The following IFT57 variants were observed in gnomAD, a reference collection of about 807,000 sequenced individuals.
IFT57 encodes the protein intraflagellar transport protein 57 homolog.
A neutral mutation model predicts 56.8 loss-of-function variants in IFT57; 59 were observed. The ratio of observed to expected loss-of-function variants is 1.04; its 90% CI spans 0.84 to 1.29. The LOEUF (loss-of-function observed/expected upper bound fraction) is 1.29, where lower values mean the gene tolerates loss of function less well. Ranked by LOEUF, IFT57 falls within the 50% of genes most tolerant of loss-of-function variation. The pLI is 0.00. For synonymous variants in IFT57, 209 were observed against 186.1 expected, an observed-to-expected ratio of 1.12 and a Z score of -1.00; for missense variants, 470 against 522.1, an observed-to-expected ratio of 0.90 and a Z score of 0.97.
At chr3:108,194,091 A>G (rs1433054616) in intron 5 of IFT57, among the ~76,000 whole-genome samples, 1 of 152,224 alleles carries the variant, frequency 6.6e-6, no homozygotes, top group Non-Finnish European at 1.5e-5. Context: ...CCCTCTCAGC[A>G]GCAGTTCTGA....
chr3:108,190,150 G>A (rs1333459503), intron 6 of IFT57, among the ~76,000 whole-genome samples: 1 of 152,172 alleles, frequency 6.6e-6, no homozygotes, highest in Non-Finnish European at 1.5e-5. Context: ...CAGGCTACTA[G>A]GTGGAAGGGA....
chr3:108,216,174 G>A (rs1440045071), intron 3 of IFT57, among the ~76,000 whole-genome samples: 1 of 152,106 alleles, frequency 6.6e-6, no homozygotes, highest in Admixed American at 6.6e-5. Flanking sequence ...AGAGTGAAGA[G>A]ACAACCCACA....
Position 108,162,470 on chromosome 3 carries a change from G to C in IFT57, c.*7C>G. 2 of 1,583,158 alleles carry C rather than the reference G, an allele frequency of 1.3e-6. No individual in the cohort carries two copies. Among genetic ancestry groups the C allele is most frequent in the Non-Finnish European group, 1.7e-6 (2 of 1,162,772 alleles). On this transcript the variant is annotated 3_prime_UTR_variant, in exon 11 of 11. Coordinates refer to ENST00000264538, the MANE Select transcript of IFT57 (RefSeq NM_018010.4). ...CAACTAATCAGAAACATGAAAACCA[G>C]TATGTTTTAATAAAAGCCTGTTGCT...
At chr3:108,219,652 CA>C (rs2080394463) in intron 1 of IFT57, 80 bp from the exon 2 acceptor site, 6 of 1,388,988 alleles carry the variant, frequency 4.3e-6, no homozygotes, top group Non-Finnish European at 6.0e-6. Flanking sequence ...GCCGAATTCA[CA>C]ATTGTCCAAC....
At chr3:108,171,255 T>C (rs552751415) in intron 6 of IFT57, among the ~76,000 whole-genome samples, 30 of 151,974 alleles carry the variant, frequency 2.0e-4, no homozygotes, top group African/African-American at 6.7e-4. Context: ...ATTTCACAGA[T>C]AAGCAAACAG....
intron 6 of IFT57, among the ~76,000 whole-genome samples, chr3:108,171,774 C>T (rs548945593): frequency 6.6e-5 from 10 of 151,656 alleles, no homozygotes; most frequent in African/African-American, 1.2e-4. Context: ...GAACCTAACA[C>T]GCATCATTAT....
chr3:108,213,189 T>C (rs1474834575), intron 4 of IFT57, among the ~76,000 whole-genome samples: 1 of 152,136 alleles, frequency 6.6e-6, no homozygotes, highest in Non-Finnish European at 1.5e-5. Context: ...CAGTAGGCTA[T>C]TAGTAAAGTT....
intron 6 of IFT57, among the ~76,000 whole-genome samples, chr3:108,182,758 C>A (rs62262379): frequency 0.096 from 14,659 of 151,988 alleles, 767 homozygotes; most frequent in Middle Eastern, 0.12. Context: ...ACTTCCAAGG[C>A]CTTTTAAAAA....
At chr3:108,170,174 A>G (rs2080085312) in intron 6 of IFT57, among the ~76,000 whole-genome samples, 1 of 152,042 alleles carries the variant, frequency 6.6e-6, no homozygotes, top group African/African-American at 2.4e-5. Flanking sequence ...GAAAGAAATA[A>G]AGGGTATTCA....
chr3:108,211,506 C>T (rs1376944721), intron 4 of IFT57, among the ~76,000 whole-genome samples: 1 of 152,218 alleles, frequency 6.6e-6, no homozygotes, highest in Admixed American at 6.5e-5. Flanking sequence ...CTCTAAGTTC[C>T]TTGATCATGC....
At chr3:108,210,450 C>G (rs2108325830) in intron 4 of IFT57, among the ~76,000 whole-genome samples, 1 of 151,386 alleles carries the variant, frequency 6.6e-6, no homozygotes, top group South Asian at 2.1e-4. Flanking sequence ...TCTCTTGCCT[C>G]AGTCTCCCGA....
In IFT57 at chr3:108,210,428, G is replaced by T. The variant is rs1275383767; in HGVS notation, c.585+3503C>A. Among the ~76,000 whole-genome samples the T allele has an allele frequency of 2.0e-5, 3 of 148,372 alleles. No individual in the cohort carries two copies. In the East Asian group the frequency reaches 5.9e-4, roughly 29 times the overall value. On this transcript the variant is annotated intron_variant, in intron 4 of 10. Coordinates refer to ENST00000264538, the MANE Select transcript of IFT57 (RefSeq NM_018010.4). Reference sequence around the variant, plus strand: ...GGCTCACTGCAACCTCCACCTCCCGGGTTCAAGCAGTTCTCTTGCCTCAGT... The same window carrying T: ...GGCTCACTGCAACCTCCACCTCCCGTGTTCAAGCAGTTCTCTTGCCTCAGT...
intron 5 of IFT57, among the ~76,000 whole-genome samples, chr3:108,195,861 G>A (rs983045980): frequency 2.0e-5 from 3 of 151,984 alleles, no homozygotes; most frequent in Admixed American, 6.6e-5. Context: ...TGGTTATTGG[G>A]TATGAAAATA....
chr3:108,202,770 C>T (rs956633707), intron 5 of IFT57, among the ~76,000 whole-genome samples: 1 of 152,168 alleles, frequency 6.6e-6, no homozygotes, highest in Non-Finnish European at 1.5e-5. Flanking sequence ...CACAGAATGA[C>T]TTTAAATATA....
chr3:108,186,176 C>T (rs944222531), intron 6 of IFT57, among the ~76,000 whole-genome samples: 10 of 151,926 alleles, frequency 6.6e-5, no homozygotes, highest in African/African-American at 2.4e-4. Context: ...ATGAAGATAC[C>T]ATTGTTGTTA....
At chr3:108,194,359 G>A (rs553182064) in intron 5 of IFT57, among the ~76,000 whole-genome samples, 3 of 152,036 alleles carry the variant, frequency 2.0e-5, no homozygotes, top group Non-Finnish European at 4.4e-5. Flanking sequence ...CACAGAAAAG[G>A]GAAAGATATT....
intron 6 of IFT57, among the ~76,000 whole-genome samples, chr3:108,187,578 C>A: frequency 6.7e-6 from 1 of 148,156 alleles, no homozygotes; most frequent in African/African-American, 2.5e-5. Flanking sequence ...AACTTGTTTT[C>A]ATGTAAGTTA....
chr3:108,220,684 C>T (rs903284279), intron 1 of IFT57, among the ~76,000 whole-genome samples: 4 of 148,080 alleles, frequency 2.7e-5, no homozygotes, highest in Middle Eastern at 3.4e-3. Context: ...TAGTGTCCAT[C>T]AGAATCATCT....
chr3:108,167,006 G>T (rs1265536613), intron 7 of IFT57, 21 bp from the exon 8 acceptor site: 3 of 1,595,638 alleles, frequency 1.9e-6, no homozygotes, highest in Non-Finnish European at 2.6e-6. Flanking sequence ...CATGGAATTT[G>T]CAGATAGAAG....
Sources: allele counts gnomAD v4.1 joint callset (sites outside exome capture counted in the v4.1 genomes callset), GRCh38; gene constraint gnomAD v4.1.1; transcripts MANE v1.5; gene names NCBI Gene and HGNC (gene_info 2026-07-23, HGNC 2026-07-21).